FYB1: variants seen among roughly 807,000 people sequenced by gnomAD.
FYB1 encodes FYN binding protein 1.
FYB1 carries 41 observed loss-of-function variants against 94.1 expected under a neutral mutation model. The ratio of observed to expected loss-of-function variants is 0.44; its 90% confidence interval spans 0.34 to 0.57. The LOEUF is 0.57. FYB1 is among the 20% of genes least tolerant of loss of function. The pLI, the probability that FYB1 is intolerant of heterozygous loss-of-function variation, is 0.02. For missense variants in FYB1, 1,050 were observed against 976.8 expected (o/e 1.07, Z -1.00); for synonymous variants, 367 against 353.2 (o/e 1.04, Z -0.44).
intron 1 of FYB1, among the ~76,000 whole-genome samples, chr5:39,218,051 C>T (rs1318546077): frequency 6.6e-6 from 1 of 152,218 alleles, no homozygotes; most frequent in East Asian, 1.9e-4. Context: ...GCTTCCAAGC[C>T]TCTGGACTCC....
chr5:39,245,045 G>A (rs1426111413), intron 1 of FYB1, among the ~76,000 whole-genome samples: 1 of 151,484 alleles, frequency 6.6e-6, no homozygotes, highest in African/African-American at 2.4e-5. Flanking sequence ...TTCTTTATTA[G>A]TCTTGCTAGC....
chr5:39,156,268 T>G (rs1038545921), intron 2 of FYB1, among the ~76,000 whole-genome samples: 3 of 152,150 alleles, frequency 2.0e-5, no homozygotes, highest in Non-Finnish European at 4.4e-5. Context: ...GTGGTTCTGC[T>G]TACTCGACAT....
chr5:39,243,997 C>T (rs1282214487), intron 1 of FYB1, among the ~76,000 whole-genome samples: 1 of 152,098 alleles, frequency 6.6e-6, no homozygotes, highest in Non-Finnish European at 1.5e-5. Context: ...ATTTTGTATC[C>T]TGAGACTTTG....
At chr5:39,201,379 T>C (rs565308024) in intron 2 of FYB1, among the ~76,000 whole-genome samples, 1 of 152,284 alleles carries the variant, frequency 6.6e-6, no homozygotes, top group African/African-American at 2.4e-5. Flanking sequence ...CAAAAATGCC[T>C]CCATACATTG....
intron 1 of FYB1, among the ~76,000 whole-genome samples, chr5:39,236,473 T>C (rs1561297997): frequency 6.6e-6 from 1 of 152,102 alleles, no homozygotes; most frequent in Non-Finnish European, 1.5e-5. Context: ...GTTGCACATG[T>C]GGCTAGAGGA....
chr5:39,134,690 T>C (rs746369164), intron 8 of FYB1, among the ~76,000 whole-genome samples, 165 bp downstream of exon 8: 3 of 152,224 alleles, frequency 2.0e-5, no homozygotes, highest in Non-Finnish European at 2.9e-5. Flanking sequence ...AGATAACAGA[T>C]GAGGTGAAGA....
intron 2 of FYB1, among the ~76,000 whole-genome samples, chr5:39,196,778 G>T (rs1579640208): frequency 6.6e-6 from 1 of 152,196 alleles, no homozygotes; most frequent in Non-Finnish European, 1.5e-5. Flanking sequence ...TGGAATGCGG[G>T]TGGGAACACA....
chr5:39,218,236 C>T (rs1410965201), intron 1 of FYB1, among the ~76,000 whole-genome samples: 2 of 152,166 alleles, frequency 1.3e-5, no homozygotes, highest in African/African-American at 2.4e-5. Context: ...TTAAGTGCAC[C>T]ATAACGCCTT....
At chr5:39,263,181 G>A (rs1192394056) in intron 1 of FYB1, among the ~76,000 whole-genome samples, 1 of 151,626 alleles carries the variant, frequency 6.6e-6, no homozygotes, top group Non-Finnish European at 1.5e-5. Flanking sequence ...TGAAGTTGCC[G>A]AATCAAGAAC....
intron 3 of FYB1, among the ~76,000 whole-genome samples, chr5:39,149,415 C>G (rs569484982): frequency 6.6e-6 from 1 of 152,290 alleles, no homozygotes; most frequent in South Asian, 2.1e-4. Flanking sequence ...ATGCTTGGCT[C>G]CTGCAATTCT....
chr5:39,154,633 A>C (rs910826065), intron 2 of FYB1, among the ~76,000 whole-genome samples: 1 of 151,710 alleles, frequency 6.6e-6, no homozygotes, highest in Non-Finnish European at 1.5e-5. Context: ...CAGCCTCCTG[A>C]GTAGCTGGGA....
chr5:39,114,144 C>T (rs992606999), intron 16 of FYB1, among the ~76,000 whole-genome samples: 1 of 151,936 alleles, frequency 6.6e-6, no homozygotes, highest in Non-Finnish European at 1.5e-5. Flanking sequence ...AAATGGAGAG[C>T]ATTTTGGCCA....
intron 4 of FYB1, among the ~76,000 whole-genome samples, chr5:39,140,270 C>A (rs995301203): frequency 6.6e-6 from 1 of 151,956 alleles, no homozygotes; most frequent in Non-Finnish European, 1.5e-5. Flanking sequence ...ATAAAGGAAC[C>A]CCTACAAGTT....
chr5:39,153,348 C>G lies in FYB1; in HGVS notation c.1292+100G>C, dbSNP rs953257011. 35 of 1,458,332 alleles carry G rather than the reference C, an allele frequency of 2.4e-5. No homozygotes were observed. The African/African-American group carries it at 4.2e-4, about 18-fold the overall frequency. 90.3% of individuals were successfully genotyped at this position (1,458,332 alleles called of 1,614,324 possible). On this transcript the variant is annotated intron_variant, in intron 3 of 18. Coordinates refer to ENST00000512982, the MANE Select transcript of FYB1 (RefSeq NM_001465.6). ...CTGCCAGCTGCCCACTTTTGTAGAC[C>G]CAGAAGTTTCCCATGGAACTCTCAG...
At chr5:39,269,900 G>A (rs1320145332) in intron 1 of FYB1, 1 of 151,950 alleles carries the variant, frequency 6.6e-6, no homozygotes, top group East Asian at 1.9e-4. Context: ...TATTTTGGGA[G>A]CCCTCCTTTT....
intron 1 of FYB1, among the ~76,000 whole-genome samples, chr5:39,218,634 C>T (rs1750061550): frequency 6.6e-6 from 1 of 152,114 alleles, no homozygotes; most frequent in Admixed American, 6.5e-5. Flanking sequence ...ATTATTATCC[C>T]CATGTTTAGA....
chr5:39,203,674 T>A (rs1489077999), intron 1 of FYB1, among the ~76,000 whole-genome samples: 1 of 152,164 alleles, frequency 6.6e-6, no homozygotes, highest in East Asian at 1.9e-4. Flanking sequence ...ACTTTCAGAA[T>A]TGTTCTGTTT....
At position 39,140,875 on chromosome 5, in the gene FYB1, C is replaced by T. The variant is rs574052544; in HGVS notation, c.1339+220G>A. ...AATATGTGAAGAATTTGTGCAAACA[C>T]ACATACACATTAAATATGTTAGAAT... On this transcript the variant is annotated intron_variant, in intron 4 of 18. Transcript: ENST00000512982. Among the ~76,000 whole-genome samples the T allele has an allele frequency of 9.2e-5, 14 of 152,214 alleles. No individual in the cohort carries two copies. In the East Asian group the frequency reaches 2.3e-3, roughly 25 times the overall value.
intron 14 of FYB1, 98 bp from the exon 15 acceptor site, chr5:39,119,732 T>C (rs892890526): frequency 1.5e-5 from 19 of 1,274,936 alleles, no homozygotes; most frequent in Non-Finnish European, 1.8e-5. Context: ...TTTTTAACTT[T>C]TTGTTTCAGT....
Sources: gnomAD v4.1 joint callset for allele counts (sites outside exome capture counted in the v4.1 genomes callset) on GRCh38, gnomAD v4.1.1 for gene constraint, MANE v1.5 for transcripts, NCBI Gene and HGNC (gene_info 2026-07-23, HGNC 2026-07-21) for gene names.